The following DNAH6 variants were observed in gnomAD, a reference collection of about 807,000 sequenced individuals.
DNAH6 encodes the protein dynein axonemal heavy chain 6, also known as axonemal beta dynein heavy chain 6.
A neutral mutation model predicts 491.4 loss-of-function variants in DNAH6; 340 were observed. The observed-to-expected ratio is 0.69, with a 90% CI of 0.63 to 0.76. The LOEUF is 0.76. DNAH6 is among the 30% of genes least tolerant of loss of function. The pLI is 0.00. For synonymous variants in DNAH6, 1,603 were observed against 1,686.1 expected (o/e 0.95, Z 1.21); for missense variants, 4,443 against 4,972.2 (o/e 0.89, Z 3.20).
intron 29 of DNAH6, among the ~76,000 whole-genome samples, chr2:84,632,733 TTAC>T (rs10569536): frequency 0.14 from 20,925 of 152,076 alleles, 2,214 homozygotes; most frequent in African/African-American, 0.3. Context: ...GTCTATATTA[TTAC>T]TAATTTCCAG....
intron 40 of DNAH6, 36 bp downstream of exon 40, chr2:84,672,520 A>C: frequency 6.6e-7 from 1 of 1,519,430 alleles, no homozygotes; most frequent in Non-Finnish European, 8.9e-7. Flanking sequence ...GTGTGCTTAA[A>C]TTTAAATGAC....
chr2:84,509,779 A>G, the DNAH6 span, among the ~76,000 whole-genome samples: 3 of 152,138 alleles, frequency 2.0e-5, no homozygotes, highest in African/African-American at 7.2e-5. Flanking sequence ...GGTGGTGACA[A>G]AATCTCTCAG....
intron 64 of DNAH6, chr2:84,778,175 C>G: frequency 1.4e-6 from 1 of 724,204 alleles, no homozygotes. Flanking sequence ...GGGGAGGTCT[C>G]TTCTTCCTGT....
In DNAH6 at chr2:84,767,699, A is replaced by G. The variant is rs893368315; in HGVS notation, c.10703+4754A>G. Among the ~76,000 whole-genome samples the G allele has an allele frequency of 3.3e-5, 5 of 152,196 alleles. No homozygotes were observed. The East Asian group carries it at 7.7e-4, about 24-fold the overall frequency. ...CAGAGATACAGTGACAAGATCTATT[A>G]AAGTGTAATTTGAGTCCCAGAAGGA... is the stretch of plus-strand genomic sequence containing the variant. On this transcript the variant is annotated intron_variant, in intron 64 of 76. Transcript: ENST00000389394.
intron 70 of DNAH6, among the ~76,000 whole-genome samples, chr2:84,798,736 C>T (rs1358632274): frequency 1.7e-4 from 26 of 152,190 alleles, no homozygotes; most frequent in African/African-American, 2.4e-5. Flanking sequence ...AGCACAGCCT[C>T]CACGGCCCTG....
chr2:84,715,269 A>G (rs948201641), intron 57 of DNAH6, among the ~76,000 whole-genome samples: 1 of 152,170 alleles, frequency 6.6e-6, no homozygotes, highest in African/African-American at 2.4e-5. Context: ...CAAGCTATCA[A>G]TTCCAAAATA....
chr2:84,677,157 A>G, intron 41 of DNAH6, 21 bp downstream of exon 41: 1 of 1,549,840 alleles, frequency 6.5e-7, no homozygotes, highest in Non-Finnish European at 8.7e-7. Context: ...ATTTTAACTT[A>G]GGCAACAGGA....
Position 84,681,618 on chromosome 2 carries a change from G to A in DNAH6, c.6916+90G>A, listed in dbSNP as rs1050118589. 9.6e-5 allele frequency: 116 copies of A among 1,208,686 alleles called. No homozygotes were observed. In the African/African-American group the frequency reaches 1.7e-3, roughly 17 times the overall value. 74.9% of individuals were successfully genotyped at this position (1,208,686 alleles called of 1,614,324 possible). Reference sequence around the variant, plus strand: ...TCTCAGTAACATTGTATGTATGCAGGTGTTGGTGACTCACCCAGAAATCCC... The same window carrying A: ...TCTCAGTAACATTGTATGTATGCAGATGTTGGTGACTCACCCAGAAATCCC... On this transcript the variant is annotated intron_variant, in intron 42 of 76. Transcript: ENST00000389394.
chr2:84,505,194 T>C, the DNAH6 span, among the ~76,000 whole-genome samples: 20 of 152,338 alleles, frequency 1.3e-4, no homozygotes, highest in African/African-American at 4.6e-4. Context: ...TTTTTGTGGG[T>C]TGATCATGTA....
intron 35 of DNAH6, among the ~76,000 whole-genome samples, chr2:84,656,889 G>A (rs1247361372): frequency 6.6e-6 from 1 of 151,830 alleles, no homozygotes; most frequent in East Asian, 1.9e-4. Context: ...GGTGCCTTTG[G>A]TGTCATACCT....
the DNAH6 span, among the ~76,000 whole-genome samples, chr2:84,509,120 C>T: frequency 6.6e-6 from 1 of 152,098 alleles, no homozygotes; most frequent in Non-Finnish European, 1.5e-5. Context: ...TCCTGGATAT[C>T]CTTGTTAACT....
chr2:84,624,568 A>C lies in DNAH6; in HGVS notation c.4301A>C (p.Tyr1434Ser). ...AGAATGGCGCTCTCTCAGTACACTTATGGCTATGAATATTTGGGTGCATGC... is the reference window on the plus strand; with the variant it reads ...AGAATGGCGCTCTCTCAGTACACTTCTGGCTATGAATATTTGGGTGCATGC... ...VARMALSQYT[Y>S]GYEYLGACPR... Residue 1434 changes from tyrosine to serine, a missense_variant, in exon 28 of 77, where the codon TAT becomes TCT. This residue lies in a region of DNAH6 where 2,977 missense variants were observed against 3,296.6 expected (regional missense o/e 0.90). Coordinates refer to ENST00000389394, the MANE Select transcript of DNAH6 (RefSeq NM_001370.2). 1 of 1,551,634 alleles carries C rather than the reference A, an allele frequency of 6.4e-7. No individual in the cohort carries two copies.
At chr2:84,811,517 G>A (rs1475921296) in intron 72 of DNAH6, among the ~76,000 whole-genome samples, 1 of 152,118 alleles carries the variant, frequency 6.6e-6, no homozygotes, top group Non-Finnish European at 1.5e-5. Flanking sequence ...GGTGTTTCCA[G>A]TTCAAGGAGA....
chr2:84,492,427 G>A, the DNAH6 span, among the ~76,000 whole-genome samples: 1 of 152,192 alleles, frequency 6.6e-6, no homozygotes, highest in Non-Finnish European at 1.5e-5. Context: ...TTCCAGACCT[G>A]TGTGGTGCCA....
chr2:84,661,416 A>C (rs954808211), intron 37 of DNAH6, among the ~76,000 whole-genome samples: 1 of 152,160 alleles, frequency 6.6e-6, no homozygotes, highest in Non-Finnish European at 1.5e-5. Flanking sequence ...GCAGAAAAAA[A>C]TGACTGAATA....
chr2:84,491,441 A>G, the DNAH6 span, among the ~76,000 whole-genome samples: 1 of 152,176 alleles, frequency 6.6e-6, no homozygotes, highest in Non-Finnish European at 1.5e-5. Context: ...GCCACTTACA[A>G]CAATTCTGTT....
intron 14 of DNAH6, among the ~76,000 whole-genome samples, chr2:84,583,405 A>C (rs1371050653): frequency 6.6e-6 from 1 of 152,216 alleles, no homozygotes; most frequent in Non-Finnish European, 1.5e-5. Context: ...AAAAGAGGAA[A>C]CATTTATAAG....
At chr2:84,542,956 C>T (rs1312826678) in intron 4 of DNAH6, among the ~76,000 whole-genome samples, 1 of 152,086 alleles carries the variant, frequency 6.6e-6, no homozygotes, top group Non-Finnish European at 1.5e-5. Flanking sequence ...GTTAGCAGTT[C>T]GAGACCAGCC....
At chr2:84,542,543 G>A (rs951756408) in intron 4 of DNAH6, among the ~76,000 whole-genome samples, 1 of 152,018 alleles carries the variant, frequency 6.6e-6, no homozygotes, top group Non-Finnish European at 1.5e-5. Flanking sequence ...GAAGTTGGAG[G>A]GACTATTCCT....
Sources: gnomAD v4.1 joint callset for allele counts (sites outside exome capture counted in the v4.1 genomes callset) on GRCh38, gnomAD v4.1.1 for gene constraint, gnomAD v4.1.1 regional missense constraint, MANE v1.5 for transcripts, NCBI Gene and HGNC (gene_info 2026-07-23, HGNC 2026-07-21) for gene names.